Variants in ZSCAN22 observed in about 807,000 individuals in gnomAD.
ZSCAN22 encodes zinc finger and SCAN domain containing 22.
A neutral mutation model predicts 12.4 loss-of-function variants in ZSCAN22; 7 were observed. That is an observed-to-expected ratio of 0.57 (90% confidence interval 0.32 to 1.06). ZSCAN22 has a LOEUF of 1.06. ZSCAN22 is among the 50% of genes least tolerant of loss of function. The probability of loss-of-function intolerance (pLI) is 0.04; values close to 1 mark genes in which losing one functional copy is unlikely to be tolerated. For missense variants in ZSCAN22, 576 were observed against 631.7 expected (o/e 0.91, Z 0.94); for synonymous variants, 243 against 255.9 (o/e 0.95, Z 0.48).
intron 1 of ZSCAN22, among the ~76,000 whole-genome samples, 163 bp downstream of exon 1, chr19:58,327,277 G>T (rs2051663337): frequency 6.6e-6 from 1 of 152,250 alleles, no homozygotes; most frequent in Non-Finnish European, 1.5e-5. Context: ...GACTGCGAGT[G>T]CCGGACACAC....
chr19:58,339,580 CA>C lies in ZSCAN22; in HGVS notation c.*255del. 2.2e-6 allele frequency: 1 copy of C among 447,126 alleles called. No homozygotes were observed. The highest frequency in any genetic ancestry group is 4.7e-5 in the South Asian group (1 of 21,486). The allele number at this position is 447,126 out of a possible 1,614,324, so 27.7% of individuals were successfully genotyped here. A position where few individuals can be genotyped will look rare whatever the true frequency, so the allele number is the denominator to read the frequency against. ...GCACTGCTACCCTCTATTTCCCACT[CA>C]GGGCTGTCCCAGAGAGAAGGCAGCC... is the stretch of plus-strand genomic sequence containing the variant. On this transcript the variant is annotated 3_prime_UTR_variant, in exon 3 of 3. Transcript: ENST00000329665. This position sits in a 1 kb window ranked among gnomAD's most constrained non-coding sequence, Gnocchi z 5.6.
Position 58,339,076 on chromosome 19 carries a change from A to T in ZSCAN22, c.1226A>T (p.Lys409Met). Residue 409 changes from lysine (K) to methionine (M), a missense_variant, in exon 3 of 3, where the codon AAG becomes ATG. Lys to Met is a moderately conservative substitution (Grantham distance 95). Transcript: ENST00000329665. The surrounding 1 kb of genome is among the most constrained non-coding windows in gnomAD (Gnocchi z 5.6). ...ATCCACACCGGGGAGAAGCCCTACA[A>T]GTGTGACGCGTGTGGCCGAGCCTTC... Reference protein sequence around the residue: ...QRIHTGEKPYKCDACGRAFSD... With the variant: ...QRIHTGEKPYMCDACGRAFSD... 1 of 1,614,228 alleles carries T rather than the reference A, an allele frequency of 6.2e-7. No homozygotes were observed. The highest frequency in any genetic ancestry group is 8.5e-7 in the Non-Finnish European group (1 of 1,180,038).
chr19:58,339,448 G>C lies in ZSCAN22; in HGVS notation c.*122G>C. 1 of 914,260 alleles carries C rather than the reference G, an allele frequency of 1.1e-6. No individual in the cohort carries two copies. Among genetic ancestry groups the C allele is most frequent in the Non-Finnish European group, 1.6e-6 (1 of 621,586 alleles). The allele number at this position is 914,260 out of a possible 1,614,324, so 56.6% of individuals were successfully genotyped here. On this transcript the variant is annotated 3_prime_UTR_variant, in exon 3 of 3. Transcript: ENST00000329665. The surrounding 1 kb of genome is among the most constrained non-coding windows in gnomAD (Gnocchi z 5.6). ...TGATTGATGAGTTGTCAAAATGATA[G>C]GTGCCTGAGGGCAGACTCGGGCTGT...
rs763389639 is a variant in ZSCAN22, at chr19:58,334,802, G to C, written c.-1G>C. On this transcript the variant is annotated 5_prime_UTR_variant, in exon 2 of 3. Transcript: ENST00000329665. ...TGTGTCTCACTGAGCACTGCTGCCC[G>C]ATGGCCATCCCCAAGCACTCCCTGA... 8.5e-5 allele frequency: 135 copies of C among 1,595,120 alleles called. No individual in the cohort carries two copies. The highest frequency in any genetic ancestry group is 1.1e-4 in the Non-Finnish European group (130 of 1,167,920).
chr19:58,338,542 G>A lies in ZSCAN22; in HGVS notation c.692G>A (p.Ser231Asn). 3.7e-6 allele frequency: 6 copies of A among 1,614,220 alleles called. No individual in the cohort carries two copies. Among genetic ancestry groups the A allele is most frequent in the South Asian group, 1.1e-5 (1 of 91,086 alleles). Residue 231 changes from serine to asparagine, a missense_variant, in exon 3 of 3, where the codon AGT becomes AAT. Physicochemically the swap from Ser to Asn is conservative, Grantham distance 46 (BLOSUM62 1). Transcript: ENST00000329665. This position sits in a 1 kb window ranked among gnomAD's most constrained non-coding sequence, Gnocchi z 5.4. Reference protein sequence around the residue: ...RESGASRNSSSAWPNLTSQEK... With the variant: ...RESGASRNSSNAWPNLTSQEK... Reference sequence around the variant, plus strand: ...TCTGGTGCCTCGAGGAACAGTTCTAGTGCGTGGCCAAACCTCACCTCCCAA... The same window carrying A: ...TCTGGTGCCTCGAGGAACAGTTCTAATGCGTGGCCAAACCTCACCTCCCAA...
rs58578716 is a variant in ZSCAN22, at chr19:58,329,104, G to A, written c.-52+1990G>A. On this transcript the variant is annotated intron_variant, in intron 1 of 2. Coordinates refer to ENST00000329665, the MANE Select transcript of ZSCAN22 (RefSeq NM_181846.3). The surrounding 1 kb of genome is among the most constrained non-coding windows in gnomAD (Gnocchi z 4.1). The stretch of plus-strand genomic sequence containing the variant: ...CAGAGACGGATTTCAGAACTCGAGA[G>A]CAGCAGGGGCGACAAGGGGCTTAGA... Among the ~76,000 whole-genome samples the A allele has an allele frequency of 0.059, 8,982 of 152,208 alleles. 871 individuals are homozygous for A. Among genetic ancestry groups the A allele is most frequent in the African/African-American group, 0.2 (8,494 of 41,484 alleles).
intron 2 of ZSCAN22, among the ~76,000 whole-genome samples, chr19:58,336,911 T>G (rs2051804140): frequency 6.6e-6 from 1 of 152,068 alleles, no homozygotes; most frequent in Non-Finnish European, 1.5e-5. Flanking sequence ...GGGGTTTGAG[T>G]CCAGTTTCTG....
chr19:58,331,732 A>C (rs1021452275), intron 1 of ZSCAN22, among the ~76,000 whole-genome samples: 2 of 150,908 alleles, frequency 1.3e-5, no homozygotes. Context: ...TTTTTAATAG[A>C]GACGGGGTTT....
intron 1 of ZSCAN22, among the ~76,000 whole-genome samples, chr19:58,328,140 C>A (rs1412967416): frequency 6.6e-6 from 1 of 152,164 alleles, no homozygotes; most frequent in Non-Finnish European, 1.5e-5. Flanking sequence ...CATGAGCCAC[C>A]ATGCCTGGCC....
chr19:58,338,034 G>A lies in ZSCAN22; in HGVS notation c.404-220G>A, dbSNP rs562530916. 1.2e-4 allele frequency among the ~76,000 whole-genome samples: 19 copies of A among 152,362 alleles called. No individual in the cohort carries two copies. The highest frequency in any genetic ancestry group is 2.1e-4 in the Non-Finnish European group (14 of 68,032). On this transcript the variant is annotated intron_variant, in intron 2 of 2. Coordinates refer to ENST00000329665, the MANE Select transcript of ZSCAN22 (RefSeq NM_181846.3). The surrounding 1 kb of genome is among the most constrained non-coding windows in gnomAD (Gnocchi z 5.4). The stretch of plus-strand genomic sequence containing the variant: ...AAAGATGGCGAGTTTGGTGGGAGGA[G>A]GAGAAATCAGAACCCATGGTGTAGT...
In ZSCAN22 at chr19:58,339,930, C is replaced by G. The variant is rs1350375304; in HGVS notation, c.*604C>G. Reference sequence around the variant, plus strand: ...ATCAGTGGTGCTGCTTGACACCTGCCCAGCATGTTCCTGTCTCTCCTTTTC... The same window carrying G: ...ATCAGTGGTGCTGCTTGACACCTGCGCAGCATGTTCCTGTCTCTCCTTTTC... On this transcript the variant is annotated 3_prime_UTR_variant, in exon 3 of 3. Transcript: ENST00000329665. The surrounding 1 kb of genome is among the most constrained non-coding windows in gnomAD (Gnocchi z 5.6). 6.5e-6 allele frequency: 1 copy of G among 153,236 alleles called. No homozygotes were observed. The highest frequency in any genetic ancestry group is 1.5e-5 in the Non-Finnish European group (1 of 68,500). The allele number at this position is 153,236 out of a possible 1,614,324, so 9.5% of individuals were successfully genotyped here.
intron 1 of ZSCAN22, among the ~76,000 whole-genome samples, chr19:58,328,732 C>T (rs941669600): frequency 1.2e-4 from 19 of 152,122 alleles, no homozygotes; most frequent in African/African-American, 4.1e-4. Context: ...AACAGGTGTT[C>T]CAGGGGTGCA....
In ZSCAN22 at chr19:58,340,967, T is replaced by A. The variant is rs2147994052; in HGVS notation, c.*1641T>A. On this transcript the variant is annotated 3_prime_UTR_variant, in exon 3 of 3. Transcript: ENST00000329665. ...TGCCTTTTCCAAGGATACCATAAAC[T>A]CCTGAGAGCAGGGGCCATGTCTTAC... 6.6e-6 allele frequency: 1 copy of A among 152,252 alleles called. No individual in the cohort carries two copies. Among genetic ancestry groups the A allele is most frequent in the African/African-American group, 2.4e-5 (1 of 41,540 alleles). 9.4% of individuals were successfully genotyped at this position (152,252 alleles called of 1,614,324 possible). A position where few individuals can be genotyped will look rare whatever the true frequency, so the allele number is the denominator to read the frequency against.
chr19:58,331,541 T>G (rs1249177718), intron 1 of ZSCAN22, among the ~76,000 whole-genome samples: 4 of 142,462 alleles, frequency 2.8e-5, no homozygotes, highest in African/African-American at 1.0e-4. Context: ...TTATTATTAT[T>G]ATTATTATTA....
chr19:58,330,968 G>C (rs965981862), intron 1 of ZSCAN22, among the ~76,000 whole-genome samples: 151 of 152,184 alleles, frequency 9.9e-4, no homozygotes, highest in African/African-American at 3.5e-3. Flanking sequence ...ATTGATGTAT[G>C]TGCCCAGCAA....
chr19:58,333,389 C>G (rs1768868474), intron 1 of ZSCAN22, among the ~76,000 whole-genome samples: 2 of 152,194 alleles, frequency 1.3e-5, no homozygotes, highest in African/African-American at 4.8e-5. Context: ...CCAAAATTAA[C>G]CATACACTGG....
At chr19:58,327,816 G>T (rs1395977537) in intron 1 of ZSCAN22, among the ~76,000 whole-genome samples, 3 of 152,180 alleles carry the variant, frequency 2.0e-5, no homozygotes, top group Non-Finnish European at 2.9e-5. Flanking sequence ...GAATGACTGT[G>T]ATCAGAATAA....
chr19:58,338,277 A>T lies in ZSCAN22; in HGVS notation c.427A>T (p.Thr143Ser), dbSNP rs1222694218. ...AGGATGGGATCCAGGAGCCGAGCCC[A>T]CAGAGGCAAGCTGCAAGCAGAGTGA... ...KRGWDPGAEP[T>S]EASCKQSDLG... Residue 143 changes from threonine (T) to serine (S), a missense_variant, in exon 3 of 3, where the codon ACA (threonine) becomes TCA (serine). Thr to Ser is a moderately conservative substitution (Grantham distance 58). Coordinates refer to ENST00000329665, the MANE Select transcript of ZSCAN22 (RefSeq NM_181846.3). The surrounding 1 kb of genome is among the most constrained non-coding windows in gnomAD (Gnocchi z 5.4). The T allele has an allele frequency of 2.5e-6, 4 of 1,602,806 alleles. No homozygotes were observed.
chr19:58,338,154 G>A lies in ZSCAN22; in HGVS notation c.404-100G>A, dbSNP rs997346643. ...GGAACTGGGGCCAGATGTTAGGAAC[G>A]GGCCACATCTCCCCTTACAAAGTGT... On this transcript the variant is annotated intron_variant, in intron 2 of 2. Coordinates refer to ENST00000329665, the MANE Select transcript of ZSCAN22 (RefSeq NM_181846.3). This position sits in a 1 kb window ranked among gnomAD's most constrained non-coding sequence, Gnocchi z 5.4. 5.1e-5 allele frequency: 56 copies of A among 1,103,282 alleles called. No homozygotes were observed. Among genetic ancestry groups the A allele is most frequent in the African/African-American group, 1.4e-4 (9 of 63,724 alleles). The allele number at this position is 1,103,282 out of a possible 1,614,324, so 68.3% of individuals were successfully genotyped here.
Sources: gnomAD v4.1 joint callset for allele counts (sites outside exome capture counted in the v4.1 genomes callset) on GRCh38, gnomAD v4.1.1 for gene constraint, Gnocchi (gnomAD v3.1) non-coding constraint, MANE v1.5 for transcripts, NCBI Gene and HGNC (gene_info 2026-07-23, HGNC 2026-07-21) for gene names.